Variants in ABCA4 observed in about 807,000 individuals in gnomAD.
The protein encoded by ABCA4 is retinal-specific phospholipid-transporting ATPase ABCA4.
ABCA4 carries 196 observed loss-of-function variants against 263.7 expected under a neutral mutation model. That is an observed-to-expected ratio of 0.74 (90% confidence interval 0.66 to 0.84). The LOEUF (loss-of-function observed/expected upper bound fraction) is 0.84. Among genes scored for constraint, ABCA4 ranks in the 40% least tolerant of loss-of-function variants. The pLI is 0.00. For missense variants in ABCA4, 2,792 were observed against 2,855.1 expected (o/e 0.98, Z 0.50); for synonymous variants, 1,133 against 1,094.2 (o/e 1.04, Z -0.70).
Position 94,011,325 on chromosome 1 carries a change from G to C in ABCA4, c.5521C>G (p.Leu1841Val). 1.2e-6 allele frequency: 2 copies of C among 1,614,132 alleles called. No homozygotes were observed. Among genetic ancestry groups the C allele is most frequent in the Non-Finnish European group, 1.7e-6 (2 of 1,180,024 alleles). Residue 1841 changes from leucine to valine, a missense_variant, in exon 39 of 50, where the codon CTG becomes GTG. By Grantham distance (32) the Leu-to-Val change is conservative (BLOSUM62 1). Transcript: ENST00000370225. ...KLLIVFPHFC[L>V]GRGLIDLALS... ...GCAAGGTCAATGAGGCCCCGGCCCA[G>C]GCAGAAGTGGGGGAAGACAATGAGC...
rs138641544 is a variant in ABCA4, at chr1:94,042,785, C to A, written c.3304G>T (p.Asp1102Tyr). Reference protein sequence around the residue: ...VDPYSRRSIWDLLLKYRSGRT... With the variant: ...VDPYSRRSIWYLLLKYRSGRT... ...CCTGAGCGATACTTCAGGAGCAGAT[C>A]CCAGATTGAGCGTCTCGAGTAAGGG... The change falls in exon 22 of 50, where the codon GAT becomes TAT. Residue 1102 changes from aspartate (D) to tyrosine (Y), a missense_variant. Transcript: ENST00000370225. The A allele has an allele frequency of 1.9e-6, 3 of 1,614,076 alleles. No individual in the cohort carries two copies. In the East Asian group the frequency reaches 6.7e-5, roughly 36 times the overall value.
chr1:94,010,641 G>A (rs115801024), intron 40 of ABCA4, 159 bp downstream of exon 40: 4 of 1,046,012 alleles, frequency 3.8e-6, no homozygotes, highest in African/African-American at 3.3e-5. Flanking sequence ...ATTTTAACCC[G>A]ATCCTCTACT....
chr1:94,076,715 A>C (rs1661546530), intron 11 of ABCA4, among the ~76,000 whole-genome samples: 1 of 152,198 alleles, frequency 6.6e-6, no homozygotes, highest in African/African-American at 2.4e-5. Context: ...AGGTGTGCGG[A>C]ATGTAACTCT....
chr1:94,029,670 A>C (rs1402976164), intron 29 of ABCA4, 39 bp from the exon 30 acceptor site: 15 of 1,588,330 alleles, frequency 9.4e-6, no homozygotes, highest in Non-Finnish European at 9.5e-6. Context: ...ATCAGCCTCA[A>C]AGTTGCTGAC....
intron 26 of ABCA4, among the ~76,000 whole-genome samples, chr1:94,035,883 C>T (rs542339744): frequency 1.3e-4 from 20 of 152,278 alleles, no homozygotes; most frequent in Non-Finnish European, 2.8e-4. Context: ...GATAAAAGTT[C>T]ATGGAAGGAG....
chr1:94,110,907 G>A (rs1570432611), intron 3 of ABCA4, among the ~76,000 whole-genome samples: 1 of 152,264 alleles, frequency 6.6e-6, no homozygotes, highest in Non-Finnish European at 1.5e-5. Context: ...CACTCCAGGG[G>A]GCCGATGGCA....
intron 6 of ABCA4, among the ~76,000 whole-genome samples, chr1:94,093,063 G>C (rs1662010375): frequency 6.6e-6 from 1 of 152,146 alleles, no homozygotes; most frequent in African/African-American, 2.4e-5. Context: ...GCCACTAAGA[G>C]ATGCCTGTAT....
At chr1:94,103,670 C>T (rs574680445) in intron 4 of ABCA4, among the ~76,000 whole-genome samples, 10 of 152,302 alleles carry the variant, frequency 6.6e-5, no homozygotes, top group South Asian at 2.1e-4. Context: ...GGAGGAGACA[C>T]GTGCTCTTCC....
At chr1:94,065,411 G>A (rs181647648) in intron 11 of ABCA4, among the ~76,000 whole-genome samples, 14 of 152,180 alleles carry the variant, frequency 9.2e-5, no homozygotes, top group South Asian at 4.2e-4. Flanking sequence ...CAGACAGGGC[G>A]TAAGGACCTG....
At chr1:94,105,691 G>A (rs892428967) in intron 4 of ABCA4, among the ~76,000 whole-genome samples, 1 of 152,068 alleles carries the variant, frequency 6.6e-6, no homozygotes, top group African/African-American at 2.4e-5. Flanking sequence ...GGAGGCTCCC[G>A]GGAAGAAGGT....
intron 4 of ABCA4, 28 bp from the exon 5 acceptor site, chr1:94,103,170 G>A: frequency 1.9e-6 from 3 of 1,612,816 alleles, no homozygotes; most frequent in Middle Eastern, 1.7e-4. Context: ...AAAGAACAGG[G>A]TGTTGAAGGG....
intron 4 of ABCA4, among the ~76,000 whole-genome samples, chr1:94,104,436 C>G (rs1055095886): frequency 1.3e-5 from 2 of 152,214 alleles, no homozygotes; most frequent in Non-Finnish European, 2.9e-5. Flanking sequence ...CAAATTCTCC[C>G]CTCCCCCAGT....
chr1:94,056,923 T>A, intron 14 of ABCA4, 101 bp from the exon 15 acceptor site: 1 of 980,908 alleles, frequency 1.0e-6, no homozygotes, highest in Non-Finnish European at 1.6e-6. Context: ...AGTTAGTGTC[T>A]AAATTTCTAC....
intron 35 of ABCA4, among the ~76,000 whole-genome samples, chr1:94,020,463 T>C (rs961883672): frequency 6.6e-6 from 1 of 152,122 alleles, no homozygotes; most frequent in Non-Finnish European, 1.5e-5. Context: ...AAACTACAGA[T>C]CATATCATCC....
At chr1:94,061,497 TTG>T (rs1349603603) in intron 13 of ABCA4, 1 of 153,108 alleles carries the variant, frequency 6.5e-6, no homozygotes, top group Non-Finnish European at 1.5e-5. Flanking sequence ...TTGAAAACTG[TTG>T]TGTGTTGTCA....
At chr1:94,034,491 T>G (rs1571267017) in intron 26 of ABCA4, among the ~76,000 whole-genome samples, 1 of 152,060 alleles carries the variant, frequency 6.6e-6, no homozygotes, top group Admixed American at 6.6e-5. Context: ...CCACAGACCC[T>G]CTCCATGCCA....
At position 94,042,944 on chromosome 1, in the gene ABCA4, G is replaced by A. The variant is rs754874525; in HGVS notation, c.3191-46C>T. ...GGAGAGTTAAGGGGCTGTGGAGGGTGAGGAAGAGAAAGGCCCAGGGCAAGT... is the reference window on the plus strand; with the variant it reads ...GGAGAGTTAAGGGGCTGTGGAGGGTAAGGAAGAGAAAGGCCCAGGGCAAGT... On this transcript the variant is annotated intron_variant, in intron 21 of 49. Transcript: ENST00000370225. The A allele has an allele frequency of 3.1e-6, 5 of 1,613,626 alleles. No individual in the cohort carries two copies. The South Asian group carries it at 4.4e-5, about 14-fold the overall frequency.
chr1:94,076,726 G>T (rs1661546674), intron 11 of ABCA4, among the ~76,000 whole-genome samples: 1 of 152,166 alleles, frequency 6.6e-6, no homozygotes, highest in South Asian at 2.1e-4. Flanking sequence ...ATGTAACTCT[G>T]GTGCCAGTGT....
At chr1:94,114,438 G>T (rs762776384) in intron 1 of ABCA4, among the ~76,000 whole-genome samples, 1 of 151,454 alleles carries the variant, frequency 6.6e-6, no homozygotes, top group East Asian at 1.9e-4. Flanking sequence ...GAGGAAGCGC[G>T]CACACACACA....
Sources: allele counts gnomAD v4.1 joint callset (sites outside exome capture counted in the v4.1 genomes callset), GRCh38; gene constraint gnomAD v4.1.1; transcripts MANE v1.5; gene names NCBI Gene and HGNC (gene_info 2026-07-23, HGNC 2026-07-21).